Variants in HSPA14 observed in about 807,000 individuals in gnomAD.
HSPA14 encodes the protein heat shock 70 kDa protein 14.
Under a neutral mutation model 65.5 loss-of-function variants are expected in HSPA14, and 37 were observed. The ratio of observed to expected loss-of-function variants is 0.56; its 90% CI spans 0.43 to 0.74. The LOEUF is 0.74. Ranked by LOEUF, HSPA14 falls within the 30% of genes least tolerant of loss-of-function variation. The pLI, the probability that HSPA14 is intolerant of heterozygous loss-of-function variation, is 0.00. For synonymous variants in HSPA14, 203 were observed against 214.2 expected (o/e 0.95, Z 0.46); for missense variants, 564 against 607.6 (o/e 0.93, Z 0.75).
In HSPA14 at chr10:14,842,369, T is replaced by C. The variant is rs1193960881; in HGVS notation, c.221+2212T>C. 6.5e-7 allele frequency: 1 copy of C among 1,535,966 alleles called. No individual in the cohort carries two copies. The highest frequency in any genetic ancestry group is 2.0e-5 in the Admixed American group (1 of 50,976). ...TCTCTCCATACTAGGCGAGGCAGAGTATATTCAGCGCCTCCAGACTGTGCA... is the reference window on the plus strand; with the variant it reads ...TCTCTCCATACTAGGCGAGGCAGAGCATATTCAGCGCCTCCAGACTGTGCA... On this transcript the variant is annotated intron_variant, in intron 3 of 13. Transcript: ENST00000378372. This position sits in a 1 kb window ranked among gnomAD's most constrained non-coding sequence, Gnocchi z 5.2.
chr10:14,840,433 A>AT (rs1394622451), intron 3 of HSPA14, among the ~76,000 whole-genome samples: 1 of 151,910 alleles, frequency 6.6e-6, no homozygotes, highest in African/African-American at 2.4e-5. Flanking sequence ...ACATTTTTAG[A>AT]TTTTTTTTAA....
rs375243633 is a variant in HSPA14 at position 14,866,467 on chromosome 10, A to G, written c.994-616A>G. 9.2e-5 allele frequency among the ~76,000 whole-genome samples: 14 copies of G among 152,340 alleles called. No individual in the cohort carries two copies. The South Asian group carries it at 1.2e-3, about 14-fold the overall frequency. Reference sequence around the variant, plus strand: ...CAATATTCTGAATGCCCATGGAATCATAAGTGTTCAATGAATGAATCAATG... The same window carrying G: ...CAATATTCTGAATGCCCATGGAATCGTAAGTGTTCAATGAATGAATCAATG... On this transcript the variant is annotated intron_variant, in intron 10 of 13. Transcript: ENST00000378372.
At chr10:14,852,271 C>A in intron 7 of HSPA14, 99 bp from the exon 8 acceptor site, 1 of 949,122 alleles carries the variant, frequency 1.1e-6, no homozygotes, top group Non-Finnish European at 1.6e-6. Flanking sequence ...TTTCTATTTC[C>A]TCATTTGTAA....
At chr10:14,855,210 C>G (rs2131642461) in intron 9 of HSPA14, among the ~76,000 whole-genome samples, 1 of 152,220 alleles carries the variant, frequency 6.6e-6, no homozygotes, top group African/African-American at 2.4e-5. Context: ...GCTTTAATAT[C>G]TATAAGGTTT....
At chr10:14,844,460 T>C (rs1244641961) in intron 3 of HSPA14, 1 of 991,160 alleles carries the variant, frequency 1.0e-6, no homozygotes, top group African/African-American at 1.7e-5. Flanking sequence ...AATCTTAATT[T>C]TTAAAATCCC....
At position 14,845,204 on chromosome 10, in the gene HSPA14, C is replaced by CTAA. The variant is rs1834033753; in HGVS notation, c.222-3405_222-3404insTAA. 4 of 985,198 alleles carry CTAA rather than the reference C, an allele frequency of 4.1e-6. No homozygotes were observed. The South Asian group carries it at 1.9e-4, about 46-fold the overall frequency. The allele number at this position is 985,198 out of a possible 1,614,324, so 61.0% of individuals were successfully genotyped here. ...TAGAAGGGAAGACATTACTCTCTGT[C>CTAA]ATTAAACTAACTTAAAGCTTTTAGT... On this transcript the variant is annotated intron_variant, in intron 3 of 13. Transcript: ENST00000378372.
Position 14,840,148 on chromosome 10 carries a change from TG to T in HSPA14, c.215del (p.Gly72AlafsTer19). 7.0e-7 allele frequency: 1 copy of T among 1,435,474 alleles called. No homozygotes were observed. The highest frequency in any genetic ancestry group is 9.3e-7 in the Non-Finnish European group (1 of 1,071,336). The allele number at this position is 1,435,474 out of a possible 1,614,324, so 88.9% of individuals were successfully genotyped here. On this transcript the variant is annotated frameshift_variant, in exon 3 of 14. Transcript: ENST00000378372. LOFTEE classifies it high-confidence loss of function. ...SNTVMKVKQILGRSSSDPQAQ... is the reference protein window; with the variant it reads ...SNTVMKVKQIXGRSSSDPQAQ... Reference sequence around the variant, plus strand: ...ACAGTAATGAAAGTAAAGCAGATCCTGGGCAGAAGGTATGGAATCAAATGAT... The same window carrying T: ...ACAGTAATGAAAGTAAAGCAGATCCTGGCAGAAGGTATGGAATCAAATGAT...
chr10:14,870,697 A>G, intron 13 of HSPA14, 30 bp downstream of exon 13: 1 of 1,507,896 alleles, frequency 6.6e-7, no homozygotes, highest in Non-Finnish European at 9.0e-7. Flanking sequence ...TTGTTAAGAA[A>G]ATTCAATTTG....
intron 3 of HSPA14, chr10:14,844,603 A>G (rs1834022783): frequency 2.0e-6 from 2 of 985,314 alleles, no homozygotes; most frequent in Non-Finnish European, 1.2e-6. Context: ...CCTTCATTTT[A>G]CTGGTTCTTA....
rs1235034799 is a variant in HSPA14, at chr10:14,859,065, G to C, written c.993+3122G>C. On this transcript the variant is annotated intron_variant, in intron 10 of 13. Coordinates refer to ENST00000378372, the MANE Select transcript of HSPA14 (RefSeq NM_016299.4). ...CAGGTTTCTGGCCTGAGAGCAGAGAGCTTCAGGGTTCCTACTCTTGAATGT... is the reference window on the plus strand; with the variant it reads ...CAGGTTTCTGGCCTGAGAGCAGAGACCTTCAGGGTTCCTACTCTTGAATGT... Among the ~76,000 whole-genome samples, 9 of 152,284 alleles carry C rather than the reference G, an allele frequency of 5.9e-5. No homozygotes were observed. The East Asian group carries it at 1.7e-3, about 29-fold the overall frequency.
At chr10:14,865,596 CTT>C (rs1729697918) in intron 10 of HSPA14, among the ~76,000 whole-genome samples, 1 of 152,146 alleles carries the variant, frequency 6.6e-6, no homozygotes, top group African/African-American at 2.4e-5. Context: ...TTCCCCATTT[CTT>C]GTTTTTGTCA....
In HSPA14 at chr10:14,842,333, ACACGAACTCTTCTCTCCATACTAGG is replaced by A; in HGVS notation, c.221+2178_221+2202del. ...GGGCATCCGGTGGTCCAGACAGGAG[ACACGAACTCTTCTCTCCATACTAGG>A]CGAGGCAGAGTATATTCAGCGCCTC... On this transcript the variant is annotated intron_variant, in intron 3 of 13. Coordinates refer to ENST00000378372, the MANE Select transcript of HSPA14 (RefSeq NM_016299.4). The surrounding 1 kb of genome is among the most constrained non-coding windows in gnomAD (Gnocchi z 5.2). 1 of 1,535,994 alleles carries A rather than the reference ACACGAACTCTTCTCTCCATACTAGG, an allele frequency of 6.5e-7. No individual in the cohort carries two copies. The highest frequency in any genetic ancestry group is 1.2e-5 in the South Asian group (1 of 84,042).
chr10:14,864,627 C>T (rs962947663), intron 10 of HSPA14, among the ~76,000 whole-genome samples: 2 of 152,068 alleles, frequency 1.3e-5, no homozygotes, highest in Non-Finnish European at 2.9e-5. Flanking sequence ...TGATGGTTTC[C>T]AGCTTCGTCC....
At chr10:14,847,067 C>G (rs1834064830) in intron 3 of HSPA14, 2 of 982,290 alleles carry the variant, frequency 2.0e-6, no homozygotes, top group Non-Finnish European at 2.4e-6. Flanking sequence ...CTCTGCTTTG[C>G]TTTCTCCTCT....
chr10:14,847,340 C>T (rs1247734368), intron 3 of HSPA14, among the ~76,000 whole-genome samples: 2 of 152,120 alleles, frequency 1.3e-5, no homozygotes, highest in Non-Finnish European at 2.9e-5. Flanking sequence ...AATATTGGTG[C>T]AAAACCCGCT....
rs1834083438 is a variant in HSPA14 at position 14,848,657 on chromosome 10, A to G, written c.270A>G (p.Leu90=). 2 of 1,609,460 alleles carry G rather than the reference A, an allele frequency of 1.2e-6. No homozygotes were observed. The highest frequency in any genetic ancestry group is 1.7e-6 in the Non-Finnish European group (2 of 1,176,488). The change falls in exon 4 of 14, where the codon TTA becomes TTG. Residue 90 remains leucine, a splice_region_variant and synonymous_variant. Transcript: ENST00000378372. ...AATACATCGCGGAAAGTAAATGTTT[A>G]GTGAGTATGGTTCTGTTATTGCTTC... ...AQKYIAESKC[L]VIEKNGKLRY...
At chr10:14,846,281 T>G in intron 3 of HSPA14, 1 of 985,196 alleles carries the variant, frequency 1.0e-6, no homozygotes, top group Non-Finnish European at 1.2e-6. Context: ...TGACGGAGAG[T>G]TAGGCCTGTA....
Position 14,867,066 on chromosome 10 carries a change from T to G in HSPA14, c.994-17T>G. 6.3e-7 allele frequency: 1 copy of G among 1,577,674 alleles called. No homozygotes were observed. Among genetic ancestry groups the G allele is most frequent in the Non-Finnish European group, 8.7e-7 (1 of 1,148,394 alleles). On this transcript the variant is annotated splice_polypyrimidine_tract_variant and intron_variant, in intron 10 of 13. Transcript: ENST00000378372. ...TCTTCTAAAAGTAAACAACTGAAAA[T>G]TATTTTTATTCTCTAGGTTGTCCTT...
At position 14,840,062 on chromosome 10, in the gene HSPA14, T is replaced by TTA. The variant is rs543085137; in HGVS notation, c.139-12_139-11insAT. The TTA allele has an allele frequency of 5.4e-3, 2,969 of 545,074 alleles. 23 individuals are homozygous for TTA. In the East Asian group the frequency reaches 0.11, roughly 20 times the overall value. 33.8% of individuals were successfully genotyped at this position (545,074 alleles called of 1,614,324 possible). On this transcript the variant is annotated splice_polypyrimidine_tract_variant and intron_variant, in intron 2 of 13. Transcript: ENST00000378372. ...TTGTAATATATATATATATATATTA[T>TTA]TTTTTTTTTCAGATTGTTGGATTGG... is the stretch of plus-strand genomic sequence containing the variant.
Sources: allele counts gnomAD v4.1 joint callset (sites outside exome capture counted in the v4.1 genomes callset), GRCh38; gene constraint gnomAD v4.1.1; non-coding constraint Gnocchi (gnomAD v3.1); transcripts MANE v1.5; gene names NCBI Gene and HGNC (gene_info 2026-07-23, HGNC 2026-07-21).